The following AKAP6 variants were observed in gnomAD, a reference collection of about 807,000 sequenced individuals.
AKAP6 encodes the protein A-kinase anchor protein 6.
In AKAP6, 58 loss-of-function variants were observed where a neutral mutation model predicts 188.5. That is an observed-to-expected ratio of 0.31 (90% CI 0.25 to 0.38). AKAP6 has a LOEUF of 0.38. Ranked by LOEUF, AKAP6 falls within the 10% of genes least tolerant of loss-of-function variation. AKAP6 has a pLI of 1.00. For missense variants in AKAP6, 2,710 were observed against 2,740.0 expected (o/e 0.99, Z 0.24); for synonymous variants, 989 against 998.6 (o/e 0.99, Z 0.18).
intron 1 of AKAP6, among the ~76,000 whole-genome samples, chr14:32,338,882 A>G (rs1304928596): frequency 6.6e-6 from 1 of 152,066 alleles, no homozygotes; most frequent in African/African-American, 2.4e-5. Flanking sequence ...TAAGATTATT[A>G]CTCTCTCAAG....
At chr14:32,785,042 G>A (rs7146681) in intron 12 of AKAP6, among the ~76,000 whole-genome samples, 78,872 of 148,762 alleles carry the variant, frequency 0.53, 21,155 homozygotes, top group Non-Finnish European at 0.56. Flanking sequence ...AGTCAGTTCT[G>A]AGGACTTTGG....
chr14:32,639,245 T>C (rs539346326), intron 7 of AKAP6, among the ~76,000 whole-genome samples: 2 of 152,294 alleles, frequency 1.3e-5, no homozygotes, highest in South Asian at 2.1e-4. Flanking sequence ...CGTGAACTTA[T>C]GGTTTGTGGC....
intron 11 of AKAP6, among the ~76,000 whole-genome samples, chr14:32,746,532 C>T (rs1266056030): frequency 6.6e-6 from 1 of 152,090 alleles, no homozygotes; most frequent in African/African-American, 2.4e-5. Flanking sequence ...TGTGGTTGAG[C>T]TGGTATCTGA....
chr14:32,797,035 C>T (rs2140073896), intron 12 of AKAP6, among the ~76,000 whole-genome samples: 1 of 152,304 alleles, frequency 6.6e-6, no homozygotes, highest in Middle Eastern at 3.4e-3. Context: ...AAAAGCTCAA[C>T]ATCACTGATC....
intron 9 of AKAP6, among the ~76,000 whole-genome samples, chr14:32,705,995 C>T (rs1890798364): frequency 6.6e-6 from 1 of 152,110 alleles, no homozygotes; most frequent in Admixed American, 6.6e-5. Flanking sequence ...CCACAACCAA[C>T]TTCAAAGTAG....
intron 4 of AKAP6, among the ~76,000 whole-genome samples, chr14:32,552,022 G>A: frequency 6.6e-6 from 1 of 152,046 alleles, no homozygotes; most frequent in Admixed American, 6.6e-5. Context: ...TTTTTGGTCT[G>A]TCTCCCTCTG....
At chr14:32,544,271 A>G (rs1883088041) in intron 3 of AKAP6, among the ~76,000 whole-genome samples, 14 of 152,162 alleles carry the variant, frequency 9.2e-5, no homozygotes, top group Admixed American at 9.2e-4. Flanking sequence ...AGGTTAGATC[A>G]GTCTGTTATT....
chr14:32,494,801 A>G (rs1310838441), intron 2 of AKAP6, among the ~76,000 whole-genome samples: 2 of 152,120 alleles, frequency 1.3e-5, no homozygotes, highest in Admixed American at 6.5e-5. Flanking sequence ...TTTATTAGTG[A>G]TGGGTCTAAG....
At chr14:32,435,266 A>G (rs1890343510) in intron 2 of AKAP6, among the ~76,000 whole-genome samples, 1 of 152,202 alleles carries the variant, frequency 6.6e-6, no homozygotes, top group Non-Finnish European at 1.5e-5. Flanking sequence ...GCTTTCTGGA[A>G]TCTTTCAGAC....
In AKAP6 at chr14:32,742,316, CTT is replaced by C. The variant is rs1167915083; in HGVS notation, c.3372+6438_3372+6439del. Among the ~76,000 whole-genome samples the C allele has an allele frequency of 2.7e-5, 4 of 147,862 alleles. No homozygotes were observed. In the Admixed American group the frequency reaches 2.8e-4, roughly 10 times the overall value. ...AATTTTGTTGAACTTAAAAAAATGACTTTTTATTTCCTTGATCTTTTGTATTT... is the reference window on the plus strand; with the variant it reads ...AATTTTGTTGAACTTAAAAAAATGACTTTATTTCCTTGATCTTTTGTATTT... On this transcript the variant is annotated intron_variant, in intron 11 of 13. Coordinates refer to ENST00000280979, the MANE Select transcript of AKAP6 (RefSeq NM_004274.5).
intron 12 of AKAP6, among the ~76,000 whole-genome samples, chr14:32,796,924 T>C (rs879571480): frequency 1.3e-5 from 2 of 152,086 alleles, no homozygotes; most frequent in Admixed American, 6.6e-5. Flanking sequence ...ATACCCTGAG[T>C]CTACAAGGAA....
chr14:32,477,391 G>A (rs191279493), intron 2 of AKAP6, among the ~76,000 whole-genome samples: 1 of 152,242 alleles, frequency 6.6e-6, no homozygotes, highest in East Asian at 1.9e-4. Context: ...ATGCCTGGCG[G>A]TGTTGAAGGG....
intron 12 of AKAP6, among the ~76,000 whole-genome samples, chr14:32,775,484 G>A (rs527450559): frequency 2.5e-4 from 38 of 151,076 alleles, no homozygotes; most frequent in East Asian, 1.2e-3. Flanking sequence ...CCAGACTGGG[G>A]TACAGTGGCC....
rs753880166 is a variant in AKAP6, at chr14:32,732,553, C to G, written c.3100C>G (p.Leu1034Val). 6.2e-7 allele frequency: 1 copy of G among 1,613,514 alleles called. No individual in the cohort carries two copies. Among genetic ancestry groups the G allele is most frequent in the Non-Finnish European group, 8.5e-7 (1 of 1,179,676 alleles). Residue 1034 changes from leucine to valine, a missense_variant, in exon 10 of 14, where the codon CTC becomes GTC. Around this residue, in one of 2 missense-constraint regions of AKAP6, gnomAD observed 2,473 missense variants for 2,426.1 expected, o/e 1.02. Coordinates refer to ENST00000280979, the MANE Select transcript of AKAP6 (RefSeq NM_004274.5). Reference sequence around the variant, plus strand: ...AGGTGGCGTTTTACTACCAAATGATCTCCTTGAAAAAGTGGATTCAATTAA... The same window carrying G: ...AGGTGGCGTTTTACTACCAAATGATGTCCTTGAAAAAGTGGATTCAATTAA... ...KKGGVLLPND[L>V]LEKVDSINEK...
At chr14:32,440,317 C>T (rs1890527895) in intron 2 of AKAP6, among the ~76,000 whole-genome samples, 2 of 139,356 alleles carry the variant, frequency 1.4e-5, no homozygotes, top group South Asian at 4.8e-4. Context: ...ACATCACACA[C>T]TGGGGCCTGT....
At chr14:32,608,095 G>A (rs1886197738) in intron 7 of AKAP6, among the ~76,000 whole-genome samples, 1 of 152,130 alleles carries the variant, frequency 6.6e-6, no homozygotes, top group East Asian at 1.9e-4. Flanking sequence ...GTGGATCTAA[G>A]ATGAGGAATT....
At chr14:32,522,947 C>A in intron 2 of AKAP6, among the ~76,000 whole-genome samples, 1 of 152,050 alleles carries the variant, frequency 6.6e-6, no homozygotes, top group East Asian at 1.9e-4. Context: ...CAATGATAGA[C>A]TAGATTAAGA....
At chr14:32,405,905 A>G (rs949333335) in intron 1 of AKAP6, among the ~76,000 whole-genome samples, 23 of 152,124 alleles carry the variant, frequency 1.5e-4, no homozygotes, top group African/African-American at 5.6e-4. Flanking sequence ...ACTAATACAC[A>G]CTCTTTTAAA....
At chr14:32,732,888 T>C in intron 10 of AKAP6, 1 of 585,122 alleles carries the variant, frequency 1.7e-6, no homozygotes, top group Non-Finnish European at 3.0e-6. Context: ...CCAAGTCAAC[T>C]ATAATACAGT....
Sources: allele counts gnomAD v4.1 joint callset (sites outside exome capture counted in the v4.1 genomes callset), GRCh38; gene constraint gnomAD v4.1.1; regional missense constraint gnomAD v4.1.1; transcripts MANE v1.5; gene names NCBI Gene and HGNC (gene_info 2026-07-23, HGNC 2026-07-21).